Variants in TFRC observed in about 807,000 individuals in gnomAD.
TFRC encodes transferrin receptor.
In TFRC, 35 loss-of-function variants were observed where a neutral mutation model predicts 85.8. That is an observed-to-expected ratio of 0.41 (90% CI 0.31 to 0.54). The LOEUF is 0.54. TFRC is among the 20% of genes least tolerant of loss of function. The pLI is 0.31. For synonymous variants in TFRC, 362 were observed against 328.6 expected, an observed-to-expected ratio of 1.10 and a Z score of -1.10; for missense variants, 828 against 921.5, an observed-to-expected ratio of 0.90 and a Z score of 1.31.
chr3:196,058,563 T>C lies in TFRC; in HGVS notation c.1595+11A>G. On this transcript the variant is annotated intron_variant, in intron 15 of 18. Coordinates refer to ENST00000360110, the MANE Select transcript of TFRC (RefSeq NM_001128148.3). The stretch of plus-strand genomic sequence containing the variant: ...TTCTATTAGTTTGTTCATTCACTTT[T>C]CTCAACTTACACTTTGCTGGCCCAG... 1 of 1,608,170 alleles carries C rather than the reference T, an allele frequency of 6.2e-7. No homozygotes were observed. Among genetic ancestry groups the C allele is most frequent in the Non-Finnish European group, 8.5e-7 (1 of 1,178,048 alleles).
chr3:196,078,570 T>C (rs1189249742), intron 1 of TFRC, among the ~76,000 whole-genome samples: 2 of 151,468 alleles, frequency 1.3e-5, no homozygotes, highest in Admixed American at 1.3e-4. Context: ...GGCAGGAGAA[T>C]CGCTTGAACC....
At chr3:196,077,222 C>T in intron 1 of TFRC, 100 bp from the exon 2 acceptor site, 1 of 766,952 alleles carries the variant, frequency 1.3e-6, no homozygotes, top group Non-Finnish European at 2.1e-6. Flanking sequence ...TTTTAAAATA[C>T]ATTATCACTT....
At position 196,071,988 on chromosome 3, in the gene TFRC, C is replaced by A; in HGVS notation, c.584+15G>T. ...GCTACTTGTATAAAAATAAGTTTACCATCTTTCAACATACCTGTCTTTGAC... is the reference window on the plus strand; with the variant it reads ...GCTACTTGTATAAAAATAAGTTTACAATCTTTCAACATACCTGTCTTTGAC... On this transcript the variant is annotated intron_variant, in intron 5 of 18. Coordinates refer to ENST00000360110, the MANE Select transcript of TFRC (RefSeq NM_001128148.3). 1 of 1,602,254 alleles carries A rather than the reference C, an allele frequency of 6.2e-7. No homozygotes were observed. The highest frequency in any genetic ancestry group is 8.5e-7 in the Non-Finnish European group (1 of 1,174,598).
chr3:196,080,980 A>G (rs1719121947), intron 1 of TFRC, among the ~76,000 whole-genome samples: 1 of 152,198 alleles, frequency 6.6e-6, no homozygotes, highest in South Asian at 2.1e-4. Flanking sequence ...AAGAAAATGG[A>G]AAAAGCTGCA....
chr3:196,073,190 A>T (rs1222055580), intron 4 of TFRC, among the ~76,000 whole-genome samples: 5 of 152,012 alleles, frequency 3.3e-5, no homozygotes, highest in Non-Finnish European at 5.9e-5. Context: ...ACTGCACTCC[A>T]GCCTGGGCAA....
At position 196,058,361 on chromosome 3, in the gene TFRC, T is replaced by C; in HGVS notation, c.1600A>G (p.Lys534Glu). The stretch of plus-strand genomic sequence containing the variant: ...AAAGCAGCATTGTCTAAAGTGAGTT[T>C]CTCACTGCAAAGACAAAGAATGTGT... ...QDSNWASKVE[K>E]LTLDNAAFPF... Residue 534 changes from lysine to glutamate, a missense_variant, in exon 16 of 19, where the codon AAA (lysine) becomes GAA (glutamate). By Grantham distance (56) the Lys-to-Glu change is moderately conservative (BLOSUM62 1). Coordinates refer to ENST00000360110, the MANE Select transcript of TFRC (RefSeq NM_001128148.3). 6.2e-7 allele frequency: 1 copy of C among 1,613,494 alleles called. No individual in the cohort carries two copies. Among genetic ancestry groups the C allele is most frequent in the South Asian group, 1.1e-5 (1 of 91,018 alleles).
intron 2 of TFRC, among the ~76,000 whole-genome samples, chr3:196,075,901 A>G (rs1427966753): frequency 2.6e-5 from 4 of 151,802 alleles, no homozygotes; most frequent in Non-Finnish European, 5.9e-5. Context: ...GCCGAGGCAC[A>G]CAGATCATTT....
At chr3:196,065,942 T>C (rs558144548) in intron 9 of TFRC, among the ~76,000 whole-genome samples, 22 of 150,552 alleles carry the variant, frequency 1.5e-4, no homozygotes, top group Non-Finnish European at 2.1e-4. Context: ...TGAGCCGAGA[T>C]CACGCCACTG....
rs149850728 is a variant in TFRC at position 196,051,115 on chromosome 3, T to C, written c.*827A>G. On this transcript the variant is annotated 3_prime_UTR_variant, in exon 19 of 19. Coordinates refer to ENST00000360110, the MANE Select transcript of TFRC (RefSeq NM_001128148.3). ...AAAGCTCTCCCCTAAGATTAACACTTTGGCCAAAATTTGGCAGCATATTAT... is the reference window on the plus strand; with the variant it reads ...AAAGCTCTCCCCTAAGATTAACACTCTGGCCAAAATTTGGCAGCATATTAT... 60 of 215,362 alleles carry C rather than the reference T, an allele frequency of 2.8e-4. No homozygotes were observed. Among genetic ancestry groups the C allele is most frequent in the African/African-American group, 1.3e-3 (56 of 44,460 alleles). The allele number at this position is 215,362 out of a possible 1,614,324, so 13.3% of individuals were successfully genotyped here. A position where few individuals can be genotyped will look rare whatever the true frequency, so the allele number is the denominator to read the frequency against.
intron 6 of TFRC, among the ~76,000 whole-genome samples, chr3:196,070,396 C>G (rs1293378830): frequency 6.6e-6 from 1 of 151,978 alleles, no homozygotes; most frequent in African/African-American, 2.4e-5. Flanking sequence ...TCCCAAGTAG[C>G]TGGGATTACA....
chr3:196,060,105 A>AT (rs1717146884), intron 14 of TFRC, 75 bp downstream of exon 14: 1 of 1,172,072 alleles, frequency 8.5e-7, no homozygotes, highest in Non-Finnish European at 1.2e-6. Context: ...TACGGTTTAC[A>AT]TATCAGTGTT....
At chr3:196,056,088 G>A (rs1227770210) in intron 16 of TFRC, among the ~76,000 whole-genome samples, 2 of 152,200 alleles carry the variant, frequency 1.3e-5, no homozygotes, top group African/African-American at 2.4e-5. Flanking sequence ...AGGCTGGAGC[G>A]TGGTGATGCA....
chr3:196,077,351 T>C (rs1304366558), intron 1 of TFRC, among the ~76,000 whole-genome samples: 2 of 152,120 alleles, frequency 1.3e-5, no homozygotes, highest in African/African-American at 2.4e-5. Context: ...GGTCACCCTA[T>C]GTTGCCCAGG....
At position 196,052,162 on chromosome 3, in the gene TFRC, G is replaced by C. The variant is rs982759712; in HGVS notation, c.2063C>G (p.Pro688Arg). ...VMRVEYHFLS[P>R]YVSPKESPFR... Reference sequence around the variant, plus strand: ...AGGAGACTCTTTTGGAGATACGTAGGGAGAGAGGAAGTGATACTCCACCTA... The same window carrying C: ...AGGAGACTCTTTTGGAGATACGTAGCGAGAGAGGAAGTGATACTCCACCTA... The change falls in exon 19 of 19, where the codon CCC (proline) becomes CGC (arginine). Residue 688 changes from proline (P) to arginine (R), a missense_variant. Coordinates refer to ENST00000360110, the MANE Select transcript of TFRC (RefSeq NM_001128148.3). The C allele has an allele frequency of 6.8e-6, 11 of 1,613,900 alleles. No homozygotes were observed. The highest frequency in any genetic ancestry group is 9.3e-6 in the Non-Finnish European group (11 of 1,179,996).
intron 13 of TFRC, among the ~76,000 whole-genome samples, chr3:196,061,941 T>C (rs1717317525): frequency 6.6e-6 from 1 of 152,202 alleles, no homozygotes; most frequent in Non-Finnish European, 1.5e-5. Flanking sequence ...TTGTGCTCAC[T>C]GTGTAACTTG....
intron 6 of TFRC, 184 bp from the exon 7 acceptor site, chr3:196,069,752 G>A (rs914694295): frequency 2.1e-6 from 1 of 482,560 alleles, no homozygotes; most frequent in Non-Finnish European, 3.7e-6. Flanking sequence ...AGAGCTATTG[G>A]AATAAAATCA....
rs1301793479 is a variant in TFRC at position 196,079,647 on chromosome 3, C to T, written c.-24+2396G>A. Among the ~76,000 whole-genome samples, 4 of 152,126 alleles carry T rather than the reference C, an allele frequency of 2.6e-5. No individual in the cohort carries two copies. The East Asian group carries it at 5.8e-4, about 22-fold the overall frequency. On this transcript the variant is annotated intron_variant, in intron 1 of 18. Transcript: ENST00000360110. ...AATAAATAAATAATAATCTAAGCTACTTGTGTTATCTTTGGTGTTCTCAAT... is the reference window on the plus strand; with the variant it reads ...AATAAATAAATAATAATCTAAGCTATTTGTGTTATCTTTGGTGTTCTCAAT...
chr3:196,071,644 C>A lies in TFRC; in HGVS notation c.585-146G>T, dbSNP rs1357293804. 3 of 893,860 alleles carry A rather than the reference C, an allele frequency of 3.4e-6. No individual in the cohort carries two copies. In the African/African-American group the frequency reaches 5.0e-5, roughly 15 times the overall value. 55.4% of individuals were successfully genotyped at this position (893,860 alleles called of 1,614,324 possible). ...GATTTTTATTTTAAAAGCCTTTGGG[C>A]CGCATGCGGTGGCTCACGCCTGTAA... is the stretch of plus-strand genomic sequence containing the variant. On this transcript the variant is annotated intron_variant, in intron 5 of 18. Coordinates refer to ENST00000360110, the MANE Select transcript of TFRC (RefSeq NM_001128148.3).
In TFRC at chr3:196,050,216, A is replaced by G. The variant is rs1010402707; in HGVS notation, c.*1726T>C. ...TTAAAATGACTTGTCAATAGCAAACATTATAAATGTATGCTACTATCTCAT... is the reference window on the plus strand; with the variant it reads ...TTAAAATGACTTGTCAATAGCAAACGTTATAAATGTATGCTACTATCTCAT... On this transcript the variant is annotated 3_prime_UTR_variant, in exon 19 of 19. Coordinates refer to ENST00000360110, the MANE Select transcript of TFRC (RefSeq NM_001128148.3). The G allele has an allele frequency of 1.8e-4, 40 of 225,594 alleles. No homozygotes were observed. In the East Asian group the frequency reaches 2.5e-3, roughly 14 times the overall value. The allele number at this position is 225,594 out of a possible 1,614,324, so 14.0% of individuals were successfully genotyped here.
Sources: allele counts gnomAD v4.1 joint callset (sites outside exome capture counted in the v4.1 genomes callset), GRCh38; gene constraint gnomAD v4.1.1; transcripts MANE v1.5; gene names NCBI Gene and HGNC (gene_info 2026-07-23, HGNC 2026-07-21).